Variants in LUZP2 observed in about 807,000 individuals in gnomAD.
LUZP2 encodes the protein leucine zipper protein 2.
In LUZP2, 52 loss-of-function variants were observed where a neutral mutation model predicts 51.6. The ratio of observed to expected loss-of-function variants is 1.01; its 90% CI spans 0.81 to 1.27. LUZP2 has a LOEUF of 1.27. LUZP2 is among the 50% of genes most tolerant of loss of function. LUZP2 has a pLI of 0.00. For synonymous variants in LUZP2, 154 were observed against 137.3 expected (o/e 1.12, Z -0.85); for missense variants, 436 against 395.4 (o/e 1.10, Z -0.87).
chr11:24,576,608 A>G (rs1214788412), intron 1 of LUZP2, among the ~76,000 whole-genome samples: 2 of 152,046 alleles, frequency 1.3e-5, no homozygotes, highest in Non-Finnish European at 2.9e-5. Context: ...ACACGCGTAC[A>G]GACAGTGCCG....
rs373785694 is a variant in LUZP2, at chr11:24,520,961, A to G, written c.62+23656A>G. Reference sequence around the variant, plus strand: ...GCACCATCATTAGCTCCAGAGGGAAATAGGACAATGCGTGTTTTTAGTTCC... The same window carrying G: ...GCACCATCATTAGCTCCAGAGGGAAGTAGGACAATGCGTGTTTTTAGTTCC... On this transcript the variant is annotated intron_variant, in intron 1 of 11. Transcript: ENST00000336930. Among the ~76,000 whole-genome samples, 201 of 152,334 alleles carry G rather than the reference A, an allele frequency of 1.3e-3. 8 individuals carry two copies. The South Asian group carries it at 0.04, about 30-fold the overall frequency.
chr11:24,723,903 A>G (rs4460805), intron 1 of LUZP2, among the ~76,000 whole-genome samples: 54,371 of 151,996 alleles, frequency 0.36, 10,119 homozygotes, highest in Non-Finnish European at 0.41. Context: ...AAAAATTTTT[A>G]CAAACTTGAT....
intron 7 of LUZP2, among the ~76,000 whole-genome samples, chr11:24,945,341 G>A (rs1159817592): frequency 6.6e-6 from 1 of 152,098 alleles, no homozygotes; most frequent in Non-Finnish European, 1.5e-5. Flanking sequence ...ACACAGAAAA[G>A]TGATTGTAAC....
chr11:24,841,465 C>T (rs933181660), intron 5 of LUZP2, among the ~76,000 whole-genome samples: 3 of 152,116 alleles, frequency 2.0e-5, no homozygotes, highest in East Asian at 3.9e-4. Context: ...TTGTATGGAG[C>T]AGATATGGTA....
At chr11:24,981,670 C>T (rs1279881165) in intron 8 of LUZP2, among the ~76,000 whole-genome samples, 1 of 151,742 alleles carries the variant, frequency 6.6e-6, no homozygotes, top group African/African-American at 2.4e-5. Context: ...TTATCAGAGA[C>T]AAATTTGTTT....
intron 9 of LUZP2, among the ~76,000 whole-genome samples, chr11:25,018,837 G>T (rs1271720541): frequency 2.6e-5 from 4 of 151,882 alleles, no homozygotes; most frequent in African/African-American, 9.7e-5. Context: ...TGAACTCCTG[G>T]CCTCAAGTGA....
chr11:24,659,741 ATGT>A (rs1855952098), intron 1 of LUZP2, among the ~76,000 whole-genome samples: 1 of 152,132 alleles, frequency 6.6e-6, no homozygotes, highest in Non-Finnish European at 1.5e-5. Flanking sequence ...TAAAATTGTG[ATGT>A]TGTAATATAT....
At position 25,082,382 on chromosome 11, in the gene LUZP2, G is replaced by A. The variant is rs543778465; in HGVS notation, c.*3724G>A. On this transcript the variant is annotated 3_prime_UTR_variant, in exon 12 of 12. Coordinates refer to ENST00000336930, the MANE Select transcript of LUZP2 (RefSeq NM_001009909.4). ...TTTTATAGCTCAGGTATTGTAATTA[G>A]CACTAATTGCAGCAGAGACTGAAAT... 2 of 152,662 alleles carry A rather than the reference G, an allele frequency of 1.3e-5. No homozygotes were observed. Among genetic ancestry groups the A allele is most frequent in the African/African-American group, 4.8e-5 (2 of 41,546 alleles). The allele number at this position is 152,662 out of a possible 1,614,324, so 9.5% of individuals were successfully genotyped here.
intron 10 of LUZP2, among the ~76,000 whole-genome samples, chr11:25,063,750 G>A (rs1446168): frequency 0.47 from 70,424 of 151,368 alleles, 17,656 homozygotes; most frequent in Non-Finnish European, 0.51. Context: ...TTCAGAGAGT[G>A]GTCCACAATG....
At chr11:24,736,753 T>C (rs1383896396) in intron 3 of LUZP2, among the ~76,000 whole-genome samples, 1 of 151,936 alleles carries the variant, frequency 6.6e-6, no homozygotes, top group Non-Finnish European at 1.5e-5. Context: ...GAAGCCCAGA[T>C]TTTATATGTC....
chr11:24,541,520 T>C (rs562928341), intron 1 of LUZP2, among the ~76,000 whole-genome samples: 2 of 152,186 alleles, frequency 1.3e-5, no homozygotes, highest in African/African-American at 2.4e-5. Flanking sequence ...TCTCACCTTT[T>C]ACCATCTTCA....
chr11:24,738,760 T>C (rs1859031096), intron 4 of LUZP2, among the ~76,000 whole-genome samples: 1 of 152,002 alleles, frequency 6.6e-6, no homozygotes. Context: ...TGAATCAAAC[T>C]CCTCTCCTGA....
intron 5 of LUZP2, among the ~76,000 whole-genome samples, chr11:24,781,864 A>G (rs1849103823): frequency 1.3e-5 from 2 of 152,060 alleles, no homozygotes; most frequent in Admixed American, 1.3e-4. Context: ...TTTAATATGT[A>G]TGAAAAGCAC....
chr11:24,998,845 G>A (rs1856589215), intron 9 of LUZP2, among the ~76,000 whole-genome samples: 1 of 151,886 alleles, frequency 6.6e-6, no homozygotes, highest in Non-Finnish European at 1.5e-5. Context: ...TTCTCTCAGG[G>A]ATCACAATAC....
chr11:25,077,477 T>A (rs7945044), intron 11 of LUZP2, 71 bp downstream of exon 11: 14 of 589,260 alleles, frequency 2.4e-5, no homozygotes, highest in East Asian at 5.0e-5. Flanking sequence ...TTATTTATTT[T>A]TATTTATATT....
chr11:24,896,133 T>C (rs1209845062), intron 5 of LUZP2, among the ~76,000 whole-genome samples: 1 of 152,252 alleles, frequency 6.6e-6, no homozygotes, highest in Non-Finnish European at 1.5e-5. Flanking sequence ...GACAACGTGC[T>C]AGCAGCCCTG....
chr11:24,701,281 A>C (rs1857414602), intron 1 of LUZP2: 1 of 164,176 alleles, frequency 6.1e-6, no homozygotes, highest in Non-Finnish European at 1.5e-5. Flanking sequence ...CCAGATGCCC[A>C]AGAGGAAGGT....
At chr11:24,790,867 T>TC (rs1250167458) in intron 5 of LUZP2, among the ~76,000 whole-genome samples, 3 of 152,174 alleles carry the variant, frequency 2.0e-5, no homozygotes, top group Admixed American at 6.5e-5. Flanking sequence ...GTTCAAGTGT[T>TC]CCAGACCTCA....
chr11:24,760,829 T>A (rs759657319), intron 4 of LUZP2, among the ~76,000 whole-genome samples: 2 of 152,184 alleles, frequency 1.3e-5, no homozygotes, highest in African/African-American at 4.8e-5. Flanking sequence ...GTCCTCTAGA[T>A]AAATGACTCA....
Sources: gnomAD v4.1 joint callset for allele counts (sites outside exome capture counted in the v4.1 genomes callset) on GRCh38, gnomAD v4.1.1 for gene constraint, MANE v1.5 for transcripts, NCBI Gene and HGNC (gene_info 2026-07-23, HGNC 2026-07-21) for gene names.